VRK2: variants seen among roughly 807,000 people sequenced by gnomAD.
VRK2 encodes serine/threonine-protein kinase VRK2.
A neutral mutation model predicts 57.6 loss-of-function variants in VRK2; 60 were observed. The observed-to-expected ratio is 1.04, with a 90% confidence interval of 0.85 to 1.29. The LOEUF (loss-of-function observed/expected upper bound fraction) is 1.29. VRK2 is among the 50% of genes most tolerant of loss of function. The probability of loss-of-function intolerance (pLI) is 0.00; values close to 1 mark genes in which losing one functional copy is unlikely to be tolerated. For missense variants in VRK2, 705 were observed against 588.1 expected (o/e 1.20, Z -2.06); for synonymous variants, 231 against 199.2 (o/e 1.16, Z -1.35).
At chr2:58,138,123 T>C (rs190518399) in intron 10 of VRK2, among the ~76,000 whole-genome samples, 1 of 152,182 alleles carries the variant, frequency 6.6e-6, no homozygotes, top group Non-Finnish European at 1.5e-5. Context: ...CTTCCTCATT[T>C]TGGATATTCT....
intron 2 of VRK2, among the ~76,000 whole-genome samples, chr2:58,053,337 C>T (rs1411493175): frequency 2.0e-5 from 3 of 152,134 alleles, no homozygotes; most frequent in African/African-American, 7.2e-5. Context: ...GTGGTGAAGC[C>T]TGAAAATCAG....
At chr2:58,077,233 G>A (rs1001617252) in intron 2 of VRK2, among the ~76,000 whole-genome samples, 2 of 151,756 alleles carry the variant, frequency 1.3e-5, no homozygotes, top group Non-Finnish European at 2.9e-5. Flanking sequence ...CTTAGTGTAA[G>A]CAGAACTTGA....
chr2:58,135,069 GT>G, intron 9 of VRK2, 71 bp from the exon 10 acceptor site: 1 of 1,552,738 alleles, frequency 6.4e-7, no homozygotes, highest in South Asian at 1.1e-5. Flanking sequence ...CACATAGAGT[GT>G]TTTGTTTTCT....
At chr2:58,050,744 T>C (rs971566875) in intron 2 of VRK2, among the ~76,000 whole-genome samples, 4 of 152,240 alleles carry the variant, frequency 2.6e-5, no homozygotes, top group African/African-American at 9.6e-5. Context: ...TTGTTACTGT[T>C]ATGATAAAGG....
At chr2:58,032,550 G>T (rs1674148763) in intron 2 of VRK2, among the ~76,000 whole-genome samples, 1 of 152,080 alleles carries the variant, frequency 6.6e-6, no homozygotes. Flanking sequence ...TCTCTGGGTG[G>T]CCTTGGACTG....
intron 1 of VRK2, among the ~76,000 whole-genome samples, chr2:57,943,852 G>A (rs1671173391): frequency 6.6e-6 from 1 of 152,220 alleles, no homozygotes; most frequent in African/African-American, 2.4e-5. Context: ...TTTCTGTAAA[G>A]GGTCAGACAG....
At chr2:58,071,766 G>A (rs1669390656) in intron 2 of VRK2, among the ~76,000 whole-genome samples, 1 of 151,850 alleles carries the variant, frequency 6.6e-6, no homozygotes, top group African/African-American at 2.4e-5. Context: ...TGCTGTTCTG[G>A]ATCTTTTGCC....
chr2:57,945,327 C>T (rs766191782), intron 1 of VRK2, among the ~76,000 whole-genome samples: 58 of 151,978 alleles, frequency 3.8e-4, no homozygotes, highest in Non-Finnish European at 4.6e-4. Context: ...ATGATAGCAC[C>T]ATTGGTTACC....
intron 1 of VRK2, among the ~76,000 whole-genome samples, chr2:57,972,079 C>T (rs757557889): frequency 6.6e-6 from 1 of 151,782 alleles, no homozygotes; most frequent in Non-Finnish European, 1.5e-5. Context: ...TGGCTTGACA[C>T]AGTATTCCAG....
chr2:58,052,281 G>T (rs1464786233), intron 2 of VRK2, among the ~76,000 whole-genome samples: 2 of 152,098 alleles, frequency 1.3e-5, no homozygotes, highest in African/African-American at 4.8e-5. Context: ...ATGTAATTTA[G>T]TTATTTATTT....
intron 1 of VRK2, among the ~76,000 whole-genome samples, chr2:57,958,232 G>A (rs1671644551): frequency 6.6e-6 from 1 of 152,098 alleles, no homozygotes; most frequent in Admixed American, 6.6e-5. Context: ...TTTAGGTCAA[G>A]AAACTTCTTT....
At chr2:58,016,263 A>C (rs1032833076) in intron 1 of VRK2, among the ~76,000 whole-genome samples, 3 of 151,716 alleles carry the variant, frequency 2.0e-5, no homozygotes, top group South Asian at 2.1e-4. Context: ...AGTGTTCAAA[A>C]ACTATTAATT....
At chr2:57,946,061 T>C (rs960787433) in intron 1 of VRK2, among the ~76,000 whole-genome samples, 1 of 152,178 alleles carries the variant, frequency 6.6e-6, no homozygotes, top group Non-Finnish European at 1.5e-5. Flanking sequence ...CTATATATTT[T>C]GCAAGCTTTT....
intron 1 of VRK2, among the ~76,000 whole-genome samples, chr2:57,940,452 T>C (rs1248413623): frequency 1.3e-5 from 2 of 152,182 alleles, no homozygotes; most frequent in Non-Finnish European, 2.9e-5. Context: ...GATTAAAGTG[T>C]TAATCTTATC....
intron 10 of VRK2, among the ~76,000 whole-genome samples, chr2:58,138,037 C>T (rs913801271): frequency 2.0e-5 from 3 of 152,174 alleles, no homozygotes; most frequent in African/African-American, 7.2e-5. Flanking sequence ...TGCAGCACAG[C>T]TGCTATCAGT....
chr2:57,967,693 T>G (rs1671966740), intron 1 of VRK2, among the ~76,000 whole-genome samples: 1 of 150,710 alleles, frequency 6.6e-6, no homozygotes, highest in Non-Finnish European at 1.5e-5. Context: ...TTCCTGGACC[T>G]TAAGAACTTA....
chr2:57,981,310 A>G (rs1672416433), intron 1 of VRK2, among the ~76,000 whole-genome samples: 1 of 152,196 alleles, frequency 6.6e-6, no homozygotes, highest in Admixed American at 6.5e-5. Context: ...TAGTTTGGCC[A>G]GACATGTAAT....
At chr2:58,009,320 AT>A (rs1374817337) in intron 1 of VRK2, among the ~76,000 whole-genome samples, 2 of 151,944 alleles carry the variant, frequency 1.3e-5, no homozygotes, top group African/African-American at 4.8e-5. Flanking sequence ...AGTAAAAAAA[AT>A]AAACTAGTGT....
intron 3 of VRK2, among the ~76,000 whole-genome samples, chr2:58,038,878 G>A (rs74892103): frequency 6.6e-6 from 1 of 152,096 alleles, no homozygotes; most frequent in African/African-American, 2.4e-5. Flanking sequence ...TACAGGTGCT[G>A]ATGAAATAAG....
Sources: allele counts gnomAD v4.1 joint callset (sites outside exome capture counted in the v4.1 genomes callset), GRCh38; gene constraint gnomAD v4.1.1; transcripts MANE v1.5; gene names NCBI Gene and HGNC (gene_info 2026-07-23, HGNC 2026-07-21).